MADD: variants seen among roughly 807,000 people sequenced by gnomAD.
The protein encoded by MADD is MAP kinase activating death domain, also known as MAP kinase-activating death domain protein.
MADD carries 109 observed loss-of-function variants against 176.7 expected under a neutral mutation model. The observed-to-expected ratio is 0.62, with a 90% CI of 0.53 to 0.72. MADD has a LOEUF of 0.72. Among genes scored for constraint, MADD ranks in the 30% least tolerant of loss-of-function variants. The probability of loss-of-function intolerance (pLI) is 0.00; values close to 1 mark genes in which losing one functional copy is unlikely to be tolerated. For missense variants in MADD, 1,914 were observed against 2,045.5 expected (o/e 0.94, Z 1.24); for synonymous variants, 771 against 771.3 (o/e 1.00, Z 0.01).
At chr11:47,280,828 A>T (rs1368859487) in intron 7 of MADD, among the ~76,000 whole-genome samples, 6 of 152,156 alleles carry the variant, frequency 3.9e-5, no homozygotes, top group Non-Finnish European at 8.8e-5. Flanking sequence ...TGGCCTCCCA[A>T]AGTATTGGGA....
Position 47,308,707 on chromosome 11 carries a change from A to G in MADD, c.3751+8A>G. The G allele has an allele frequency of 6.2e-7, 1 of 1,608,720 alleles. No individual in the cohort carries two copies. The highest frequency in any genetic ancestry group is 2.2e-5 in the East Asian group (1 of 44,856). ...TCTATGAGGGACTCCTAGGTGAGAA[A>G]CACACTGGGAAGGCCCTTTGCACTG... is the stretch of plus-strand genomic sequence containing the variant. On this transcript the variant is annotated splice_region_variant and intron_variant, in intron 23 of 32. Transcript: ENST00000402192.
intron 1 of MADD, among the ~76,000 whole-genome samples, chr11:47,272,744 T>C (rs1348484270): frequency 6.6e-6 from 1 of 152,226 alleles, no homozygotes; most frequent in East Asian, 1.9e-4. Context: ...TAGAAATTTC[T>C]CTGAGCACGT....
intron 5 of MADD, among the ~76,000 whole-genome samples, chr11:47,277,737 C>T (rs1246252231): frequency 6.6e-5 from 10 of 152,050 alleles, no homozygotes; most frequent in African/African-American, 2.4e-4. Context: ...ATCTGATAAC[C>T]GAGATGGCTA....
intron 27 of MADD, among the ~76,000 whole-genome samples, chr11:47,319,061 G>A (rs2093848183): frequency 6.6e-6 from 1 of 150,470 alleles, no homozygotes; most frequent in South Asian, 2.1e-4. Context: ...GCCCACCTCA[G>A]CCTCCCAAAG....
intron 26 of MADD, among the ~76,000 whole-genome samples, chr11:47,314,177 G>T: frequency 6.6e-6 from 1 of 151,762 alleles, no homozygotes; most frequent in Non-Finnish European, 1.5e-5. Flanking sequence ...GGAGGTTGAG[G>T]CTGCCGTGAG....
chr11:47,286,633 C>T (rs1050552803), intron 15 of MADD, 99 bp downstream of exon 15: 2 of 858,282 alleles, frequency 2.3e-6, no homozygotes, highest in Non-Finnish European at 3.8e-6. Flanking sequence ...ATCCTTTGAC[C>T]TGGTTGTCGT....
chr11:47,290,096 A>G, intron 17 of MADD, 43 bp downstream of exon 18: 1 of 1,612,494 alleles, frequency 6.2e-7, no homozygotes, highest in Non-Finnish European at 8.5e-7. Context: ...GGAGAGAGGG[A>G]TGTGAACACC....
chr11:47,299,384 TA>T (rs1276395880), intron 22 of MADD, among the ~76,000 whole-genome samples: 3 of 151,998 alleles, frequency 2.0e-5, no homozygotes, highest in Non-Finnish European at 4.4e-5. Flanking sequence ...ACCTCCTTCA[TA>T]AAAGATAAAT....
chr11:47,276,500 A>G lies in MADD; in HGVS notation c.964-232A>G, dbSNP rs970576624. ...TTCAGTGAGTGGTCCTGGGATGGGCAGTACAAGAACTAGGAAGGTAAGGGA... is the reference window on the plus strand; with the variant it reads ...TTCAGTGAGTGGTCCTGGGATGGGCGGTACAAGAACTAGGAAGGTAAGGGA... On this transcript the variant is annotated intron_variant, in intron 4 of 32. Coordinates refer to ENST00000402192, the Ensembl canonical transcript of MADD. Among the ~76,000 whole-genome samples, 111 of 152,226 alleles carry G rather than the reference A, an allele frequency of 7.3e-4. 1 individual carries two copies. Among genetic ancestry groups the G allele is most frequent in the Admixed American group, 6.9e-3 (105 of 15,278 alleles).
rs2095269565 is a variant in MADD, at chr11:47,325,046, ATCTG to A, written c.4542+472_4542+475del. ...GCGTGCTTGTGTGTAAGTAGCTTGT[ATCTG>A]TCCTCTCTGGAGTGTGTTTATTTGC... On this transcript the variant is annotated intron_variant, in intron 30 of 32. Transcript: ENST00000402192. The surrounding 1 kb of genome is among the most constrained non-coding windows in gnomAD (Gnocchi z 4.5). The A allele has an allele frequency of 2.3e-6, 1 of 442,944 alleles. No homozygotes were observed. The highest frequency in any genetic ancestry group is 4.1e-6 in the Non-Finnish European group (1 of 243,524). 27.4% of individuals were successfully genotyped at this position (442,944 alleles called of 1,614,324 possible). A position where few individuals can be genotyped will look rare whatever the true frequency, so the allele number is the denominator to read the frequency against.
At chr11:47,277,091 C>G (rs1219823323) in intron 5 of MADD, among the ~76,000 whole-genome samples, 1 of 152,212 alleles carries the variant, frequency 6.6e-6, no homozygotes, top group African/African-American at 2.4e-5. Context: ...TACACTGCAG[C>G]AGGTGTTACG....
chr11:47,316,144 T>C (rs2092810869), intron 27 of MADD, among the ~76,000 whole-genome samples: 1 of 146,856 alleles, frequency 6.8e-6, no homozygotes, highest in African/African-American at 2.6e-5. Flanking sequence ...CCCCATTTCT[T>C]TTATACACGT....
At chr11:47,281,891 A>G (rs1387689805) in intron 8 of MADD, 138 bp downstream of exon 8, 6 of 452,148 alleles carry the variant, frequency 1.3e-5, no homozygotes, top group East Asian at 4.1e-5. Flanking sequence ...TTGGAGTGCA[A>G]TGGCATAATC....
chr11:47,293,827 TA>T, intron 19 of MADD, 55 bp from the exon 22 acceptor site: 2 of 1,177,554 alleles, frequency 1.7e-6, no homozygotes, highest in Middle Eastern at 1.9e-4. Context: ...CCACCCCCTT[TA>T]CCAGCCTGCC....
At chr11:47,316,392 T>C (rs1235802172) in intron 27 of MADD, among the ~76,000 whole-genome samples, 18 of 145,248 alleles carry the variant, frequency 1.2e-4, no homozygotes, top group Admixed American at 3.4e-4. Context: ...TTTCTTTTTT[T>C]TTTTTTTTTT....
At chr11:47,284,471 A>G (rs768959614) in exon 12 of MADD, 2 of 1,614,034 alleles carry the variant, frequency 1.2e-6, no homozygotes, top group African/African-American at 1.3e-5. Flanking sequence ...CCTGGCCCAG[A>G]CAGTGAGAAC....
intron 7 of MADD, among the ~76,000 whole-genome samples, 178 bp from the exon 8 acceptor site, chr11:47,281,397 A>G (rs1040159598): frequency 1.3e-5 from 2 of 152,222 alleles, no homozygotes; most frequent in African/African-American, 4.8e-5. Context: ...TATTTCAAAG[A>G]TGAAAGGTCT....
At chr11:47,326,870 C>A (rs778571117) in intron 31 of MADD, 63 bp downstream of exon 35, 29 of 1,606,894 alleles carry the variant, frequency 1.8e-5, no homozygotes, top group Non-Finnish European at 2.5e-5. Context: ...CCTCGGAGCT[C>A]CAGAGGAGGG....
intron 27 of MADD, among the ~76,000 whole-genome samples, chr11:47,316,590 A>G (rs1037200849): frequency 1.3e-5 from 2 of 151,246 alleles, no homozygotes; most frequent in African/African-American, 4.9e-5. Context: ...GGGTTTCACC[A>G]TGTTGGTCAG....
Sources: allele counts gnomAD v4.1 joint callset (sites outside exome capture counted in the v4.1 genomes callset), GRCh38; gene constraint gnomAD v4.1.1; non-coding constraint Gnocchi (gnomAD v3.1); transcripts MANE v1.5; gene names NCBI Gene and HGNC (gene_info 2026-07-23, HGNC 2026-07-21).